Variants in WBP2NL observed in about 807,000 individuals in gnomAD.
WBP2NL encodes postacrosomal sheath WW domain-binding protein.
A neutral mutation model predicts 23.3 loss-of-function variants in WBP2NL; 27 were observed. The observed-to-expected ratio is 1.16, with a 90% CI of 0.85 to 1.60. The LOEUF (loss-of-function observed/expected upper bound fraction) is 1.60, where lower values mean the gene tolerates loss of function less well. WBP2NL is among the 40% of genes most tolerant of loss of function. The pLI, the probability that WBP2NL is intolerant of heterozygous loss-of-function variation, is 0.00. For synonymous variants in WBP2NL, 151 were observed against 145.9 expected, an observed-to-expected ratio of 1.03 and a Z score of -0.25; for missense variants, 370 against 389.5, an observed-to-expected ratio of 0.95 and a Z score of 0.42.
At chr22:42,032,031 T>C (rs937479094), downstream of WBP2NL, 1 of 152,196 alleles carries the variant, frequency 6.6e-6, no homozygotes, top group Non-Finnish European at 1.5e-5. Flanking sequence ...TCAAGAAATA[T>C]TGCATGTCTT....
downstream of WBP2NL, among the ~76,000 whole-genome samples, chr22:42,037,528 T>G (rs56134491): frequency 0.025 from 3,880 of 152,226 alleles, 170 homozygotes; most frequent in African/African-American, 0.089. Flanking sequence ...ATCTGTAGAT[T>G]GCTTTAGGTA....
intron 8 of WBP2NL, among the ~76,000 whole-genome samples, chr22:42,057,351 C>G (rs1926078089): frequency 6.6e-6 from 1 of 152,148 alleles, no homozygotes; most frequent in Admixed American, 6.5e-5. Context: ...ATTGTACTTT[C>G]CAACTTCAGA....
chr22:42,019,235 A>T (rs1923643121), intron 1 of WBP2NL, 76 bp from the exon 2 acceptor site: 4 of 1,403,736 alleles, frequency 2.8e-6, no homozygotes, highest in Non-Finnish European at 9.8e-7. Context: ...AAAAAAAAAA[A>T]TTGCGTTAAG....
intron 5 of WBP2NL, among the ~76,000 whole-genome samples, chr22:42,022,883 T>C (rs920419833): frequency 2.0e-5 from 3 of 152,214 alleles, no homozygotes; most frequent in African/African-American, 7.2e-5. Context: ...TATGGGACTT[T>C]TCTTGAGTTC....
intron 5 of WBP2NL, among the ~76,000 whole-genome samples, chr22:42,023,292 C>T (rs1438467320): frequency 6.6e-6 from 1 of 151,786 alleles, no homozygotes. Flanking sequence ...TCAAGCGATC[C>T]TCTTACCTCA....
downstream of WBP2NL, among the ~76,000 whole-genome samples, chr22:42,036,047 T>C (rs532823271): frequency 6.6e-6 from 1 of 152,248 alleles, no homozygotes; most frequent in South Asian, 2.1e-4. Context: ...TCACATTTTC[T>C]TTATCTGTTC....
intron 1 of WBP2NL, among the ~76,000 whole-genome samples, chr22:42,000,489 G>A (rs1043867695): frequency 2.6e-4 from 40 of 152,016 alleles, no homozygotes; most frequent in Admixed American, 2.0e-3. Context: ...AGGAGTGACT[G>A]AAATAAAAAA....
chr22:42,011,159 G>C (rs145965651), intron 1 of WBP2NL, among the ~76,000 whole-genome samples: 2,394 of 152,328 alleles, frequency 0.016, 33 homozygotes, highest in Middle Eastern at 0.044. Context: ...AGTAAGCCTA[G>C]AAGTGTTTCT....
rs886378218 is a variant in WBP2NL, at chr22:42,027,140, G to C, written c.889G>C (p.Ala297Pro). 7.4e-6 allele frequency: 12 copies of C among 1,613,834 alleles called. No individual in the cohort carries two copies. The highest frequency in any genetic ancestry group is 1.7e-5 in the Admixed American group (1 of 59,928). Residue 297 changes from alanine to proline, a missense_variant, in exon 6 of 6, where the codon GCT (alanine) becomes CCT (proline). Physicochemically the swap from Ala to Pro is conservative, Grantham distance 27. Transcript: ENST00000328823. Reference sequence around the variant, plus strand: ...AGCAGCCCAGGCTCCTGAAAACGAGGCTTCTCTTCCCTCTGCCTCCTCTTC... The same window carrying C: ...AGCAGCCCAGGCTCCTGAAAACGAGCCTTCTCTTCCCTCTGCCTCCTCTTC... ...STAAQAPENE[A>P]SLPSASSSQV...
At chr22:42,055,229 T>G (rs1024001872) in intron 8 of WBP2NL, among the ~76,000 whole-genome samples, 1 of 152,056 alleles carries the variant, frequency 6.6e-6, no homozygotes, top group African/African-American at 2.4e-5. Context: ...CAGGCTGGAG[T>G]GCAGTGGCGC....
At chr22:42,024,895 CG>C (rs1569451186) in intron 5 of WBP2NL, among the ~76,000 whole-genome samples, 1 of 151,618 alleles carries the variant, frequency 6.6e-6, no homozygotes, top group African/African-American at 2.4e-5. Flanking sequence ...CTCTGCCTCC[CG>C]GGTTTAAGTG....
chr22:42,038,583 G>A (rs762857165), intron 8 of WBP2NL, among the ~76,000 whole-genome samples: 3 of 152,036 alleles, frequency 2.0e-5, no homozygotes, highest in Non-Finnish European at 2.9e-5. Context: ...GAAACCATCC[G>A]GTCTTGGGCA....
chr22:42,057,693 T>C (rs1241737774), intron 8 of WBP2NL, among the ~76,000 whole-genome samples: 1 of 151,126 alleles, frequency 6.6e-6, no homozygotes, highest in African/African-American at 2.4e-5. Flanking sequence ...TAGTTCGTAC[T>C]GGACTATTTT....
intron 8 of WBP2NL, among the ~76,000 whole-genome samples, chr22:42,046,606 C>T (rs1302953914): frequency 6.6e-6 from 1 of 152,170 alleles, no homozygotes; most frequent in African/African-American, 2.4e-5. Context: ...AAATATTGGA[C>T]ATCTTCAATC....
At chr22:42,025,799 A>G (rs1030445144) in intron 5 of WBP2NL, among the ~76,000 whole-genome samples, 3 of 152,240 alleles carry the variant, frequency 2.0e-5, no homozygotes, top group African/African-American at 7.2e-5. Context: ...ACTTTGGGGA[A>G]TGTAACCCAA....
intron 8 of WBP2NL, among the ~76,000 whole-genome samples, chr22:42,041,146 A>G (rs77108143): frequency 0.024 from 3,592 of 152,282 alleles, 135 homozygotes; most frequent in African/African-American, 0.082. Flanking sequence ...TTTTATCATT[A>G]TATGACTTTC....
At chr22:42,029,446 A>T (rs1324620041), downstream of WBP2NL, among the ~76,000 whole-genome samples, 1 of 151,802 alleles carries the variant, frequency 6.6e-6, no homozygotes, top group African/African-American at 2.4e-5. Context: ...ATCTTGGCTC[A>T]CTGCAACCTC....
chr22:41,999,733 C>T (rs1306894514), intron 1 of WBP2NL, among the ~76,000 whole-genome samples: 3 of 152,158 alleles, frequency 2.0e-5, no homozygotes, highest in Non-Finnish European at 4.4e-5. Flanking sequence ...TACCACTGCA[C>T]TCCAGCCTGG....
chr22:42,042,456 G>A (rs1277739545), intron 8 of WBP2NL, among the ~76,000 whole-genome samples: 1 of 151,970 alleles, frequency 6.6e-6, no homozygotes, highest in Non-Finnish European at 1.5e-5. Context: ...GTTCTGTATT[G>A]CATTTTGTAG....
Sources: allele counts gnomAD v4.1 joint callset (sites outside exome capture counted in the v4.1 genomes callset), GRCh38; gene constraint gnomAD v4.1.1; transcripts MANE v1.5; gene names NCBI Gene and HGNC (gene_info 2026-07-23, HGNC 2026-07-21).